Variants in CHSY3 observed in about 807,000 individuals in gnomAD.
CHSY3 encodes N-acetylgalactosaminyl-proteoglycan 3-beta-glucuronosyltransferase 3.
CHSY3 carries 35 observed loss-of-function variants against 67.2 expected under a neutral mutation model. The ratio of observed to expected loss-of-function variants is 0.52; its 90% confidence interval spans 0.40 to 0.69. The LOEUF (loss-of-function observed/expected upper bound fraction) is 0.69, where lower values mean the gene tolerates loss of function less well. Among genes scored for constraint, CHSY3 ranks in the 30% least tolerant of loss-of-function variants. The probability of loss-of-function intolerance (pLI) is 0.00; values close to 1 mark genes in which losing one functional copy is unlikely to be tolerated. For synonymous variants in CHSY3, 474 were observed against 434.7 expected, an observed-to-expected ratio of 1.09 and a Z score of -1.12; for missense variants, 1,069 against 1,138.5, an observed-to-expected ratio of 0.94 and a Z score of 0.88.
At chr5:129,993,777 C>T (rs896023118) in intron 2 of CHSY3, among the ~76,000 whole-genome samples, 10 of 151,852 alleles carry the variant, frequency 6.6e-5, no homozygotes, top group South Asian at 2.1e-4. Flanking sequence ...TTATTTTGCT[C>T]GTTAGTTGAT....
chr5:130,003,587 C>A lies in CHSY3; in HGVS notation c.1086+95227C>A, dbSNP rs543218721. ...AGCATGAGCCACATGTTCATGTACT[C>A]TGAAGGCAAGACAAAGAGGGGTTAC... On this transcript the variant is annotated intron_variant, in intron 2 of 2. Coordinates refer to ENST00000305031, the MANE Select transcript of CHSY3 (RefSeq NM_175856.5). Among the ~76,000 whole-genome samples, 12 of 152,120 alleles carry A rather than the reference C, an allele frequency of 7.9e-5. No homozygotes were observed. In the South Asian group the frequency reaches 1.9e-3, roughly 24 times the overall value.
intron 2 of CHSY3, among the ~76,000 whole-genome samples, chr5:129,981,724 A>ACT (rs1313989035): frequency 6.6e-6 from 1 of 152,098 alleles, no homozygotes; most frequent in Non-Finnish European, 1.5e-5. Context: ...TTGTCTTAGT[A>ACT]GAGTCCCAGC....
intron 2 of CHSY3, among the ~76,000 whole-genome samples, chr5:130,111,066 T>A (rs2149703785): frequency 6.6e-6 from 1 of 152,184 alleles, no homozygotes; most frequent in African/African-American, 2.4e-5. Context: ...GAAAAAAGGA[T>A]GTATGATCAT....
At chr5:130,063,819 G>T (rs1254497927) in intron 2 of CHSY3, among the ~76,000 whole-genome samples, 1 of 152,072 alleles carries the variant, frequency 6.6e-6, no homozygotes, top group African/African-American at 2.4e-5. Flanking sequence ...ATGCTGTGTG[G>T]AGCCTCTTTT....
At chr5:130,040,837 A>G (rs1455143107) in intron 2 of CHSY3, among the ~76,000 whole-genome samples, 3 of 152,110 alleles carry the variant, frequency 2.0e-5, no homozygotes, top group South Asian at 4.1e-4. Context: ...TGTCTATTCT[A>G]TACTGATCCC....
At chr5:129,926,448 A>G (rs1761113004) in intron 2 of CHSY3, among the ~76,000 whole-genome samples, 1 of 151,940 alleles carries the variant, frequency 6.6e-6, no homozygotes, top group Admixed American at 6.6e-5. Flanking sequence ...TCTACTGTAA[A>G]CAGACTGAGA....
chr5:130,179,340 G>A (rs1275583330), intron 2 of CHSY3, among the ~76,000 whole-genome samples: 1 of 151,714 alleles, frequency 6.6e-6, no homozygotes, highest in Non-Finnish European at 1.5e-5. Context: ...TTTTTTTCCA[G>A]TCACTCTAAG....
At chr5:130,181,918 A>G (rs563938842) in intron 2 of CHSY3, among the ~76,000 whole-genome samples, 13 of 152,014 alleles carry the variant, frequency 8.6e-5, no homozygotes, top group Middle Eastern at 3.4e-3. Context: ...TCTTGATGTA[A>G]ATTTAGGTTA....
chr5:130,091,063 T>C (rs1268988090), intron 2 of CHSY3, among the ~76,000 whole-genome samples: 1 of 151,940 alleles, frequency 6.6e-6, no homozygotes, highest in African/African-American at 2.4e-5. Flanking sequence ...AGAAATGACT[T>C]TGGACCATTG....
chr5:129,996,953 A>G (rs1361470748), intron 2 of CHSY3, among the ~76,000 whole-genome samples: 1 of 152,084 alleles, frequency 6.6e-6, no homozygotes, highest in Non-Finnish European at 1.5e-5. Context: ...AATTTATACA[A>G]ATTTTTTTGA....
At chr5:130,102,786 G>GGGGTACCA (rs368936320) in intron 2 of CHSY3, among the ~76,000 whole-genome samples, 2 of 152,114 alleles carry the variant, frequency 1.3e-5, no homozygotes, top group South Asian at 2.1e-4. Flanking sequence ...ATAAGGGAAT[G>GGGGTACCA]GGGTACCAGG....
chr5:129,985,385 G>T (rs1243215006), intron 2 of CHSY3, among the ~76,000 whole-genome samples: 1 of 152,052 alleles, frequency 6.6e-6, no homozygotes, highest in African/African-American at 2.4e-5. Flanking sequence ...TGGTCTGTGT[G>T]TCTGTTTTTA....
At chr5:130,062,261 T>G (rs1765738610) in intron 2 of CHSY3, among the ~76,000 whole-genome samples, 1 of 151,592 alleles carries the variant, frequency 6.6e-6, no homozygotes, top group Admixed American at 6.6e-5. Context: ...ATGTATGGAG[T>G]TGGAGGCCAT....
chr5:130,125,452 T>TAGAC (rs1554084513), intron 2 of CHSY3, among the ~76,000 whole-genome samples: 7 of 151,798 alleles, frequency 4.6e-5, no homozygotes, highest in Non-Finnish European at 1.0e-4. Flanking sequence ...GATAGATAGA[T>TAGAC]AGACAGACAG....
intron 2 of CHSY3, among the ~76,000 whole-genome samples, chr5:129,927,966 A>G (rs758955480): frequency 2.0e-5 from 3 of 152,040 alleles, no homozygotes; most frequent in Non-Finnish European, 2.9e-5. Flanking sequence ...TGATAATTTT[A>G]TGTGATTCTT....
chr5:130,137,370 A>G (rs1768699278), intron 2 of CHSY3, among the ~76,000 whole-genome samples: 2 of 152,204 alleles, frequency 1.3e-5, no homozygotes. Context: ...TGACCTTCTA[A>G]GTTTTCTCTT....
chr5:130,144,285 C>T (rs1216773293), intron 2 of CHSY3, among the ~76,000 whole-genome samples: 1 of 151,964 alleles, frequency 6.6e-6, no homozygotes, highest in African/African-American at 2.4e-5. Flanking sequence ...GCTACTTATC[C>T]CCCACAAAAG....
At chr5:129,981,398 A>G (rs1166879510) in intron 2 of CHSY3, among the ~76,000 whole-genome samples, 1 of 151,990 alleles carries the variant, frequency 6.6e-6, no homozygotes, top group Non-Finnish European at 1.5e-5. Flanking sequence ...TGCTATAATC[A>G]TTTATTATTT....
At chr5:130,139,418 T>A (rs2149718270) in intron 2 of CHSY3, among the ~76,000 whole-genome samples, 1 of 152,352 alleles carries the variant, frequency 6.6e-6, no homozygotes, top group Middle Eastern at 3.4e-3. Context: ...TAGCCGGACA[T>A]GAAGTCTATG....
Sources: gnomAD v4.1 joint callset for allele counts (sites outside exome capture counted in the v4.1 genomes callset) on GRCh38, gnomAD v4.1.1 for gene constraint, MANE v1.5 for transcripts, NCBI Gene and HGNC (gene_info 2026-07-23, HGNC 2026-07-21) for gene names.